The following VWA8 variants were observed in gnomAD, a reference collection of about 807,000 sequenced individuals.
VWA8 encodes the protein von Willebrand factor A domain-containing protein 8.
In VWA8, 221 loss-of-function variants were observed where a neutral mutation model predicts 241.5. That is an observed-to-expected ratio of 0.91 (90% confidence interval 0.82 to 1.02). The LOEUF (loss-of-function observed/expected upper bound fraction) is 1.02. Ranked by LOEUF, VWA8 falls within the 50% of genes least tolerant of loss-of-function variation. The pLI is 0.00. For missense variants in VWA8, 2,322 were observed against 2,328.7 expected (o/e 1.00, Z 0.06); for synonymous variants, 852 against 827.1 (o/e 1.03, Z -0.52).
chr13:41,829,551 A>C (rs1418279009), intron 14 of VWA8, among the ~76,000 whole-genome samples: 1 of 143,978 alleles, frequency 6.9e-6, no homozygotes, highest in African/African-American at 2.5e-5. Flanking sequence ...ACACACACAC[A>C]CACACACACA....
intron 2 of VWA8, among the ~76,000 whole-genome samples, chr13:41,920,285 T>C (rs1876456731): frequency 6.6e-6 from 1 of 152,050 alleles, no homozygotes; most frequent in South Asian, 2.1e-4. Context: ...GCTCCCCTTC[T>C]TCCCTGGAGC....
intron 17 of VWA8, among the ~76,000 whole-genome samples, chr13:41,792,808 T>C (rs1293341121): frequency 6.6e-6 from 1 of 152,100 alleles, no homozygotes; most frequent in Non-Finnish European, 1.5e-5. Flanking sequence ...TATTCTTAGT[T>C]GTGCAAAGCT....
intron 17 of VWA8, among the ~76,000 whole-genome samples, chr13:41,799,114 T>C (rs957803647): frequency 4.6e-5 from 7 of 152,116 alleles, no homozygotes; most frequent in African/African-American, 1.7e-4. Flanking sequence ...TCTCAAATTG[T>C]TCTATTATTT....
chr13:41,736,225 T>C (rs2045523776), intron 21 of VWA8, among the ~76,000 whole-genome samples: 1 of 152,236 alleles, frequency 6.6e-6, no homozygotes, highest in African/African-American at 2.4e-5. Flanking sequence ...ATCACTGTTC[T>C]CACTTTTTAC....
intron 12 of VWA8, among the ~76,000 whole-genome samples, chr13:41,838,526 G>A (rs773338363): frequency 3.3e-5 from 5 of 152,080 alleles, no homozygotes; most frequent in Admixed American, 6.5e-5. Flanking sequence ...TAAAAAATAC[G>A]CATTTCTACC....
Position 41,842,162 on chromosome 13 carries a change from C to T in VWA8, c.1426-8631G>A, listed in dbSNP as rs1337054661. On this transcript the variant is annotated intron_variant, in intron 12 of 44. Coordinates refer to ENST00000379310, the MANE Select transcript of VWA8 (RefSeq NM_015058.2). ...GAATGCTACATAAATATTGTATAAA[C>T]ATACAATGTTAATAATTTTTAGGTC... is the stretch of plus-strand genomic sequence containing the variant. Among the ~76,000 whole-genome samples, 3 of 151,976 alleles carry T rather than the reference C, an allele frequency of 2.0e-5. No homozygotes were observed. In the East Asian group the frequency reaches 5.8e-4, roughly 29 times the overall value.
intron 30 of VWA8, 124 bp downstream of exon 30, chr13:41,692,738 C>T: frequency 1.6e-6 from 1 of 636,992 alleles, no homozygotes; most frequent in South Asian, 2.0e-5. Flanking sequence ...ACGTGCATAA[C>T]AGGAAATTCT....
chr13:41,739,839 GTTTTTTTTGTTTTTTTTGTTT>G (rs1566436381), intron 21 of VWA8, among the ~76,000 whole-genome samples: 127 of 43,608 alleles, frequency 2.9e-3, no homozygotes, highest in Non-Finnish European at 2.7e-3. Context: ...TTTTTTTTTT[GTTTTTTTTGTTTTTTTTGTTT>G]TTTTTTTTTT....
chr13:41,797,178 G>C (rs1869741622), intron 17 of VWA8, among the ~76,000 whole-genome samples: 2 of 150,174 alleles, frequency 1.3e-5, no homozygotes, highest in Admixed American at 1.3e-4. Flanking sequence ...TTACAGGCAC[G>C]TGCCACCACA....
intron 21 of VWA8, among the ~76,000 whole-genome samples, chr13:41,758,635 T>G (rs887729669): frequency 6.6e-6 from 1 of 150,560 alleles, no homozygotes; most frequent in Non-Finnish European, 1.5e-5. Context: ...ATATACACAT[T>G]CATGCAATTG....
chr13:41,809,096 G>A (rs59681323), intron 17 of VWA8, among the ~76,000 whole-genome samples: 1 of 151,908 alleles, frequency 6.6e-6, no homozygotes, highest in Admixed American at 6.6e-5. Flanking sequence ...AACACTGATG[G>A]AGGAAATTGA....
At chr13:41,664,389 ATGTGTGTGTGTG>A (rs3073033) in intron 37 of VWA8, among the ~76,000 whole-genome samples, 19 of 137,964 alleles carry the variant, frequency 1.4e-4, no homozygotes, top group Admixed American at 4.3e-4. Context: ...ACATGCTTTG[ATGTGTGTGTGTG>A]TGTGTGTGTG....
At chr13:41,584,722 C>A (rs956507848) in intron 42 of VWA8, among the ~76,000 whole-genome samples, 1 of 152,166 alleles carries the variant, frequency 6.6e-6, no homozygotes, top group Admixed American at 6.5e-5. Context: ...TGTCTTGCTA[C>A]AATTTCACTT....
intron 24 of VWA8, among the ~76,000 whole-genome samples, chr13:41,725,375 A>C (rs1566429911): frequency 6.6e-6 from 1 of 152,220 alleles, no homozygotes; most frequent in Non-Finnish European, 1.5e-5. Flanking sequence ...AAAAATCCCA[A>C]GGACAATTGA....
chr13:41,854,273 T>G (rs910010847), intron 12 of VWA8, among the ~76,000 whole-genome samples: 2 of 152,100 alleles, frequency 1.3e-5, no homozygotes, highest in African/African-American at 4.8e-5. Context: ...ACCAGCAGAA[T>G]GGCTGTCAGT....
At chr13:41,744,829 TTTTATTTA>T (rs954808696) in intron 21 of VWA8, among the ~76,000 whole-genome samples, 3 of 151,786 alleles carry the variant, frequency 2.0e-5, no homozygotes, top group Admixed American at 6.6e-5. Context: ...ATTTATTTAT[TTTTATTTA>T]TTTATTTATT....
intron 37 of VWA8, among the ~76,000 whole-genome samples, chr13:41,646,723 A>G (rs2044834791): frequency 6.6e-6 from 1 of 152,254 alleles, no homozygotes; most frequent in Non-Finnish European, 1.5e-5. Flanking sequence ...CCTTTTTAAT[A>G]TATATCAGAT....
At chr13:41,784,825 C>G (rs1430511831) in intron 18 of VWA8, among the ~76,000 whole-genome samples, 1 of 146,178 alleles carries the variant, frequency 6.8e-6, no homozygotes, top group African/African-American at 2.5e-5. Flanking sequence ...CGAGGTTGGT[C>G]CAGGAGGCCT....
intron 19 of VWA8, 82 bp from the exon 20 acceptor site, chr13:41,778,138 G>GTTAACTTTCTT: frequency 1.1e-6 from 1 of 934,072 alleles, no homozygotes; most frequent in Non-Finnish European, 1.5e-6. Context: ...TATCTTTATA[G>GTTAACTTTCTT]AATATAAATA....
Sources: allele counts gnomAD v4.1 joint callset (sites outside exome capture counted in the v4.1 genomes callset), GRCh38; gene constraint gnomAD v4.1.1; transcripts MANE v1.5; gene names NCBI Gene and HGNC (gene_info 2026-07-23, HGNC 2026-07-21).